ZNF558: variants seen among roughly 807,000 people sequenced by gnomAD.
The protein encoded by ZNF558 is zinc finger protein 558.
Under a neutral mutation model 37.6 loss-of-function variants are expected in ZNF558, and 23 were observed. That is an observed-to-expected ratio of 0.61 (90% confidence interval 0.44 to 0.87). The LOEUF (loss-of-function observed/expected upper bound fraction) is 0.87. Ranked by LOEUF, ZNF558 falls within the 40% of genes least tolerant of loss-of-function variation. The pLI, the probability that ZNF558 is intolerant of heterozygous loss-of-function variation, is 0.00. For synonymous variants in ZNF558, 189 were observed against 174.4 expected (o/e 1.08, Z -0.66); for missense variants, 429 against 483.7 (o/e 0.89, Z 1.06).
At chr19:8,837,458 G>A in the ZNF558 span, among the ~76,000 whole-genome samples, 3 of 152,164 alleles carry the variant, frequency 2.0e-5, no homozygotes, top group Non-Finnish European at 2.9e-5. Context: ...GAATGAAGTC[G>A]GCAGTGTGTA....
At chr19:8,812,724 G>C (rs376721910) in intron 8 of ZNF558, 81 bp from the exon 9 acceptor site, 1 of 827,050 alleles carries the variant, frequency 1.2e-6, no homozygotes, top group East Asian at 2.7e-5. Flanking sequence ...CAGATTCTGA[G>C]GGATCAGGGT....
chr19:8,834,737 T>C (rs2044436456), upstream of ZNF558, among the ~76,000 whole-genome samples: 1 of 150,788 alleles, frequency 6.6e-6, no homozygotes, highest in African/African-American at 2.4e-5. Flanking sequence ...AAATAGATCA[T>C]AGACCTAAAG....
chr19:8,837,417 A>G, the ZNF558 span, among the ~76,000 whole-genome samples: 1 of 152,170 alleles, frequency 6.6e-6, no homozygotes, highest in Non-Finnish European at 1.5e-5. Context: ...TACAATCGGG[A>G]TATATTGTTA....
At chr19:8,814,000 G>T (rs2043865270) in intron 7 of ZNF558, among the ~76,000 whole-genome samples, 1 of 152,230 alleles carries the variant, frequency 6.6e-6, no homozygotes, top group Non-Finnish European at 1.5e-5. Flanking sequence ...CAGTGACAGT[G>T]GTGGAGGACG....
chr19:8,813,148 T>C lies in ZNF558; in HGVS notation c.322A>G (p.Ile108Val). ...DKKVVTEERG[I>V]LPSTCPDLET... ...TCACCTGGACAGGTGCTTGGTAGAA[T>C]TCCTCTTTCCTCTGTCACCACCTTC... The change falls in exon 8 of 10, where the codon ATT becomes GTT. Residue 108 changes from isoleucine to valine, a missense_variant. Physicochemically the swap from Ile to Val is conservative, Grantham distance 29. Coordinates refer to ENST00000601372, the MANE Select transcript of ZNF558 (RefSeq NM_144693.3). 1 of 1,593,752 alleles carries C rather than the reference T, an allele frequency of 6.3e-7. No homozygotes were observed. The highest frequency in any genetic ancestry group is 1.8e-5 in the Admixed American group (1 of 56,952).
At chr19:8,818,260 C>T (rs2967762) in intron 7 of ZNF558, among the ~76,000 whole-genome samples, 1 of 151,944 alleles carries the variant, frequency 6.6e-6, no homozygotes, top group African/African-American at 2.4e-5. Context: ...GAGACCATCC[C>T]GGCCAACATG....
upstream of ZNF558, among the ~76,000 whole-genome samples, chr19:8,835,781 A>G (rs1333420000): frequency 6.6e-6 from 1 of 152,250 alleles, no homozygotes; most frequent in Non-Finnish European, 1.5e-5. Flanking sequence ...CCCAAATATC[A>G]GTCAACTGAT....
At chr19:8,830,648 T>C (rs1170253968) in intron 2 of ZNF558, 3 of 152,112 alleles carry the variant, frequency 2.0e-5, no homozygotes, top group Non-Finnish European at 4.4e-5. Context: ...TCCCAGCACT[T>C]TGGGAGGCTG....
At position 8,811,175 on chromosome 19, in the gene ZNF558, T is replaced by G. The variant is rs2043777035; in HGVS notation, c.*106A>C. The G allele has an allele frequency of 3.1e-6, 4 of 1,277,996 alleles. No homozygotes were observed. Among genetic ancestry groups the G allele is most frequent in the Non-Finnish European group, 4.2e-6 (4 of 941,860 alleles). 79.2% of individuals were successfully genotyped at this position (1,277,996 alleles called of 1,614,324 possible). On this transcript the variant is annotated 3_prime_UTR_variant, in exon 10 of 10. Transcript: ENST00000601372. ...AAGCCACAAAATTTGCGGGGATCAT[T>G]TGTTATGCTGCAACAAATAACTTAT...
At chr19:8,824,565 G>C (rs1032313858) in intron 3 of ZNF558, 148 bp from the exon 4 acceptor site, 5 of 152,246 alleles carry the variant, frequency 3.3e-5, no homozygotes, top group African/African-American at 1.2e-4. Flanking sequence ...AAGATCATGA[G>C]GAGGAATCTA....
chr19:8,821,216 C>T lies in ZNF558; in HGVS notation c.211G>A (p.Val71Met). 1 of 1,614,140 alleles carries T rather than the reference C, an allele frequency of 6.2e-7. No homozygotes were observed. The highest frequency in any genetic ancestry group is 8.5e-7 in the Non-Finnish European group (1 of 1,179,980). Residue 71 changes from valine to methionine, a missense_variant, in exon 7 of 10, where the codon GTG becomes ATG. By Grantham distance (21) the Val-to-Met change is conservative (BLOSUM62 1). Transcript: ENST00000601372. ...DPAQRTLYRD[V>M]MLENCRNLAS... ...AGGTTCCTGCAGTTCTCCAGCATCA[C>T]ATCCCTGTACAGTGTCCTTTGGGCA...
chr19:8,812,665 T>G, intron 8 of ZNF558, 22 bp from the exon 9 acceptor site: 1 of 1,516,738 alleles, frequency 6.6e-7, no homozygotes, highest in Non-Finnish European at 9.0e-7. Flanking sequence ...TGAAAAGAAA[T>G]TTAGGTTGAT....
In ZNF558 at chr19:8,822,843, A is replaced by G. The variant is rs988432200; in HGVS notation, c.-65-119T>C. On this transcript the variant is annotated intron_variant, in intron 4 of 9. Transcript: ENST00000601372. This position sits in a 1 kb window ranked among gnomAD's most constrained non-coding sequence, Gnocchi z 4.4. The stretch of plus-strand genomic sequence containing the variant: ...TTCAAATGCAAGTTCCGGCTTCCAC[A>G]CTGGGCCTTTATTTTGCTGAGCAGG... 5.7e-6 allele frequency: 5 copies of G among 874,926 alleles called. No homozygotes were observed. The highest frequency in any genetic ancestry group is 5.0e-5 in the African/African-American group (3 of 59,756). 54.2% of individuals were successfully genotyped at this position (874,926 alleles called of 1,614,324 possible). A position where few individuals can be genotyped will look rare whatever the true frequency, so the allele number is the denominator to read the frequency against.
chr19:8,821,332 T>C, intron 6 of ZNF558, 26 bp from the exon 7 acceptor site: 3 of 1,614,094 alleles, frequency 1.9e-6, no homozygotes, highest in Non-Finnish European at 2.5e-6. Context: ...CATCACGGCT[T>C]AGCCAAGGAC....
At chr19:8,815,152 G>A (rs1172491401) in intron 7 of ZNF558, among the ~76,000 whole-genome samples, 5 of 152,106 alleles carry the variant, frequency 3.3e-5, no homozygotes, top group Non-Finnish European at 5.9e-5. Flanking sequence ...CCCTTCAGAA[G>A]TTCAAACACT....
Position 8,823,002 on chromosome 19 carries a change from C to T in ZNF558, c.-65-278G>A, listed in dbSNP as rs116943809. ...TCACGGCATGTTCTTCCCATCCAAG[C>T]GCACCACAAACGCATTCCCGGCTAC... is the stretch of plus-strand genomic sequence containing the variant. On this transcript the variant is annotated intron_variant, in intron 4 of 9. Coordinates refer to ENST00000601372, the MANE Select transcript of ZNF558 (RefSeq NM_144693.3). 3.4e-5 allele frequency: 11 copies of T among 326,858 alleles called. No individual in the cohort carries two copies. The East Asian group carries it at 4.2e-4, about 12-fold the overall frequency. 20.2% of individuals were successfully genotyped at this position (326,858 alleles called of 1,614,324 possible).
Position 8,810,687 on chromosome 19 carries a change from T to G in ZNF558, c.*594A>C, listed in dbSNP as rs575677726. On this transcript the variant is annotated 3_prime_UTR_variant, in exon 10 of 10. Coordinates refer to ENST00000601372, the MANE Select transcript of ZNF558 (RefSeq NM_144693.3). ...CCATGGCAAATTTCCCAGATGCTTC[T>G]GAGTTATCTGTTTCCTGGTATTCAT... The G allele has an allele frequency of 6.6e-6, 1 of 152,476 alleles. No homozygotes were observed. Among genetic ancestry groups the G allele is most frequent in the East Asian group, 1.9e-4 (1 of 5,202 alleles). The allele number at this position is 152,476 out of a possible 1,614,324, so 9.4% of individuals were successfully genotyped here. A position where few individuals can be genotyped will look rare whatever the true frequency, so the allele number is the denominator to read the frequency against.
chr19:8,819,252 C>T (rs2044020872), intron 7 of ZNF558, among the ~76,000 whole-genome samples: 1 of 152,212 alleles, frequency 6.6e-6, no homozygotes, highest in African/African-American at 2.4e-5. Context: ...TGGATCTCGG[C>T]TCACTACAAC....
chr19:8,806,262 T>C lies in ZNF558; in HGVS notation c.*5019A>G, dbSNP rs1341464293. The C allele has an allele frequency of 1.3e-5, 2 of 152,354 alleles. No homozygotes were observed. Among genetic ancestry groups the C allele is most frequent in the South Asian group, 4.1e-4 (2 of 4,832 alleles). The allele number at this position is 152,354 out of a possible 1,614,324, so 9.4% of individuals were successfully genotyped here. A position where few individuals can be genotyped will look rare whatever the true frequency, so the allele number is the denominator to read the frequency against. On this transcript the variant is annotated 3_prime_UTR_variant, in exon 10 of 10. Transcript: ENST00000601372. ...GTTTTATACAGTCAGTACTGATTTA[T>C]ATTTACTTGCATCTTATGTTTCCTG...
Sources: allele counts gnomAD v4.1 joint callset (sites outside exome capture counted in the v4.1 genomes callset), GRCh38; gene constraint gnomAD v4.1.1; non-coding constraint Gnocchi (gnomAD v3.1); transcripts MANE v1.5; gene names NCBI Gene and HGNC (gene_info 2026-07-23, HGNC 2026-07-21).